PRKN: variants seen among roughly 807,000 people sequenced by gnomAD.
The protein encoded by PRKN is E3 ubiquitin-protein ligase parkin.
Under a neutral mutation model 59.5 loss-of-function variants are expected in PRKN, and 56 were observed. The ratio of observed to expected loss-of-function variants is 0.94; its 90% confidence interval spans 0.76 to 1.18. The LOEUF (loss-of-function observed/expected upper bound fraction) is 1.18. Ranked by LOEUF, PRKN falls within the 50% of genes most tolerant of loss-of-function variation. The pLI is 0.00. For synonymous variants in PRKN, 250 were observed against 222.1 expected, an observed-to-expected ratio of 1.13 and a Z score of -1.12; for missense variants, 657 against 596.4, an observed-to-expected ratio of 1.10 and a Z score of -1.06.
At chr6:162,486,201 C>T (rs976906202) in intron 1 of PRKN, among the ~76,000 whole-genome samples, 2 of 152,100 alleles carry the variant, frequency 1.3e-5, no homozygotes, top group African/African-American at 4.8e-5. Context: ...CTTAAAGCTG[C>T]ATTACTACTC....
intron 7 of PRKN, among the ~76,000 whole-genome samples, chr6:161,573,577 T>G (rs1985758): frequency 0.064 from 9,561 of 149,300 alleles, 448 homozygotes; most frequent in African/African-American, 0.13. Context: ...AAAATTAGCC[T>G]GGCGTGGTGG....
At chr6:162,609,018 T>C (rs934629596) in intron 1 of PRKN, among the ~76,000 whole-genome samples, 1 of 152,160 alleles carries the variant, frequency 6.6e-6, no homozygotes, top group Admixed American at 6.5e-5. Flanking sequence ...GAAGAGACAG[T>C]GTGCTGGCAG....
chr6:162,177,414 T>C (rs543677120), intron 4 of PRKN, among the ~76,000 whole-genome samples: 3 of 152,314 alleles, frequency 2.0e-5, no homozygotes, highest in Non-Finnish European at 4.4e-5. Flanking sequence ...TACCTCACCT[T>C]TTTTATATTG....
At chr6:162,271,315 A>G (rs1338475654) in intron 2 of PRKN, 1 of 152,132 alleles carries the variant, frequency 6.6e-6, no homozygotes, top group African/African-American at 2.4e-5. Flanking sequence ...AGGAGGGCAG[A>G]TCACTTGAGG....
chr6:161,478,090 T>C (rs944462873), intron 9 of PRKN, among the ~76,000 whole-genome samples: 2 of 152,224 alleles, frequency 1.3e-5, no homozygotes, highest in Non-Finnish European at 2.9e-5. Context: ...AGATTAAGGA[T>C]GTCTCTTTCA....
At chr6:161,994,355 C>A (rs1387005560) in intron 5 of PRKN, among the ~76,000 whole-genome samples, 1 of 151,952 alleles carries the variant, frequency 6.6e-6, no homozygotes, top group Non-Finnish European at 1.5e-5. Context: ...ACAAACTAGG[C>A]ATAGAAGGAA....
At position 161,400,254 on chromosome 6, in the gene PRKN, G is replaced by T. The variant is rs780510444; in HGVS notation, c.1084-13377C>A. Reference sequence around the variant, plus strand: ...ACAGAACACCTCCAATATTTTAGAAGAAAGTAGGATGAGGTGAGCTGGGGA... The same window carrying T: ...ACAGAACACCTCCAATATTTTAGAATAAAGTAGGATGAGGTGAGCTGGGGA... On this transcript the variant is annotated intron_variant, in intron 9 of 11. Coordinates refer to ENST00000366898, the MANE Select transcript of PRKN (RefSeq NM_004562.3). The surrounding 1 kb of genome is among the most constrained non-coding windows in gnomAD (Gnocchi z 4.2). Among the ~76,000 whole-genome samples the T allele has an allele frequency of 2.6e-5, 4 of 151,978 alleles. No homozygotes were observed. The highest frequency in any genetic ancestry group is 3.9e-4 in the East Asian group (2 of 5,194).
chr6:162,096,848 ATTTTTTTTTTTTTTT>A lies in PRKN; in HGVS notation c.535-42689_535-42675del, dbSNP rs71004079. On this transcript the variant is annotated intron_variant, in intron 4 of 11. Transcript: ENST00000366898. ...GTGAGAATGGACTCATACAGCTGGA[ATTTTTTTTTTTTTTT>A]TTTTTTTTTTTTTTTTGAGATGGAG... Among the ~76,000 whole-genome samples, 139 of 49,222 alleles carry A rather than the reference ATTTTTTTTTTTTTTT, an allele frequency of 2.8e-3. 2 individuals carry two copies. The highest frequency in any genetic ancestry group is 0.012 in the African/African-American group (133 of 11,254). 32.3% of individuals were successfully genotyped at this position (49,222 alleles called of 152,430 possible).
At chr6:161,763,588 T>G (rs1186411108) in intron 7 of PRKN, among the ~76,000 whole-genome samples, 1 of 152,140 alleles carries the variant, frequency 6.6e-6, no homozygotes, top group Admixed American at 6.5e-5. Flanking sequence ...CTCTGTTTCT[T>G]GCACTGCCCG....
Position 161,638,729 on chromosome 6 carries a change from C to T in PRKN, c.872-69313G>A, listed in dbSNP as rs111507866. Among the ~76,000 whole-genome samples, 707 of 132,100 alleles carry T rather than the reference C, an allele frequency of 5.4e-3. 5 individuals carry two copies. Among genetic ancestry groups the T allele is most frequent in the African/African-American group, 0.021 (678 of 32,440 alleles). 86.7% of individuals were successfully genotyped at this position (132,100 alleles called of 152,430 possible). ...TTTTGTAATAGTGAGTGAGTTCTCA[C>T]GAGATCTGATTTTTTTTTTTTTTTT... On this transcript the variant is annotated intron_variant, in intron 7 of 11. Coordinates refer to ENST00000366898, the MANE Select transcript of PRKN (RefSeq NM_004562.3).
At chr6:161,726,361 T>G (rs572612526) in intron 7 of PRKN, among the ~76,000 whole-genome samples, 84 of 152,302 alleles carry the variant, frequency 5.5e-4, no homozygotes, top group Middle Eastern at 6.8e-3. Context: ...GACAGATCAT[T>G]CAGTTGTTGC....
chr6:161,822,279 G>C (rs2186805), intron 6 of PRKN, among the ~76,000 whole-genome samples: 79,257 of 152,008 alleles, frequency 0.52, 20,925 homozygotes, highest in Non-Finnish European at 0.55. Context: ...TTTGTTATAA[G>C]ACTTCCAGAA....
In PRKN at chr6:162,262,693, C is replaced by T. The variant is rs1186161188; in HGVS notation, c.244G>A (p.Ala82Thr). The change falls in exon 3 of 12, where the codon GCA (alanine) becomes ACA (threonine). Residue 82 changes from alanine to threonine, a missense_variant. By Grantham distance (58) the Ala-to-Thr change is moderately conservative (BLOSUM62 0). Coordinates refer to ENST00000366898, the MANE Select transcript of PRKN (RefSeq NM_004562.3). ...TTTCTGGGGTCGTCGCCTCCAGTTG[C>T]ATTCATTTCTTGACCTTTTCTCCAC... ...RPWRKGQEMN[A>T]TGGDDPRNAA... 6.2e-7 allele frequency: 1 copy of T among 1,611,624 alleles called. No homozygotes were observed. The highest frequency in any genetic ancestry group is 2.2e-5 in the East Asian group (1 of 44,796).
At chr6:161,983,973 A>C (rs1264410428) in intron 5 of PRKN, among the ~76,000 whole-genome samples, 1 of 152,148 alleles carries the variant, frequency 6.6e-6, no homozygotes, top group East Asian at 1.9e-4. Context: ...CGTGAAAACT[A>C]GGAAAACTAA....
At chr6:161,781,666 C>T (rs1363048343) in intron 7 of PRKN, among the ~76,000 whole-genome samples, 2 of 152,082 alleles carry the variant, frequency 1.3e-5, no homozygotes, top group Non-Finnish European at 2.9e-5. Flanking sequence ...CTTTGCTAAT[C>T]TTTTCTGTAT....
intron 1 of PRKN, among the ~76,000 whole-genome samples, chr6:162,614,144 G>A (rs1025646598): frequency 1.3e-5 from 2 of 152,064 alleles, no homozygotes; most frequent in Non-Finnish European, 2.9e-5. Context: ...TTCTCCTATA[G>A]TAATATTTTA....
At chr6:162,645,926 G>C (rs1307177148) in intron 1 of PRKN, among the ~76,000 whole-genome samples, 1 of 144,426 alleles carries the variant, frequency 6.9e-6, no homozygotes, top group East Asian at 2.1e-4. Flanking sequence ...CCAGGCTGGA[G>C]TGCAGTGGCA....
intron 2 of PRKN, among the ~76,000 whole-genome samples, chr6:162,441,795 A>G (rs1790066346): frequency 6.6e-6 from 1 of 152,222 alleles, no homozygotes; most frequent in Non-Finnish European, 1.5e-5. Context: ...ATATGTTTGC[A>G]AAGTCAATCA....
intron 7 of PRKN, among the ~76,000 whole-genome samples, chr6:161,597,132 T>G (rs1463777469): frequency 1.3e-5 from 2 of 152,120 alleles, no homozygotes; most frequent in Non-Finnish European, 2.9e-5. Flanking sequence ...GGTGATGAGA[T>G]GTTATCTTGA....
Sources: gnomAD v4.1 joint callset for allele counts (sites outside exome capture counted in the v4.1 genomes callset) on GRCh38, gnomAD v4.1.1 for gene constraint, Gnocchi (gnomAD v3.1) non-coding constraint, MANE v1.5 for transcripts, NCBI Gene and HGNC (gene_info 2026-07-23, HGNC 2026-07-21) for gene names.